The following RGS22 variants were observed in gnomAD, a reference collection of about 807,000 sequenced individuals.
The protein encoded by RGS22 is regulator of G-protein signaling 22.
In RGS22, 148 loss-of-function variants were observed where a neutral mutation model predicts 172.9. That is an observed-to-expected ratio of 0.86 (90% CI 0.75 to 0.98). The LOEUF is 0.98. RGS22 is among the 50% of genes least tolerant of loss of function. The pLI is 0.00. For missense variants in RGS22, 1,347 were observed against 1,440.8 expected (o/e 0.93, Z 1.05); for synonymous variants, 458 against 480.2 (o/e 0.95, Z 0.60).
intron 23 of RGS22, among the ~76,000 whole-genome samples, chr8:99,972,756 G>A (rs573584433): frequency 6.6e-6 from 1 of 152,208 alleles, no homozygotes; most frequent in African/African-American, 2.4e-5. Context: ...GAAATAAGCT[G>A]GGCGTGGTGG....
At chr8:100,036,681 C>G (rs1223975438) in intron 14 of RGS22, among the ~76,000 whole-genome samples, 3 of 152,182 alleles carry the variant, frequency 2.0e-5, no homozygotes, top group African/African-American at 4.8e-5. Context: ...TTACTGCAGC[C>G]TTGAACTCCT....
chr8:100,032,271 A>C (rs1377036346), intron 14 of RGS22, among the ~76,000 whole-genome samples: 10 of 152,212 alleles, frequency 6.6e-5, no homozygotes, highest in Admixed American at 6.5e-4. Flanking sequence ...CAGGAGACCC[A>C]TCTCACGTGC....
At chr8:100,074,739 T>C (rs1377971161) in intron 4 of RGS22, among the ~76,000 whole-genome samples, 1 of 151,508 alleles carries the variant, frequency 6.6e-6, no homozygotes, top group Non-Finnish European at 1.5e-5. Flanking sequence ...ACATGCAGGG[T>C]TTCTTTTTTG....
intron 2 of RGS22, among the ~76,000 whole-genome samples, chr8:100,103,496 G>A (rs1402536148): frequency 6.6e-6 from 1 of 152,230 alleles, no homozygotes; most frequent in Non-Finnish European, 1.5e-5. Context: ...ACAGCATAGT[G>A]TGGAGGGGCC....
chr8:100,005,679 C>A (rs1168160446), intron 16 of RGS22, among the ~76,000 whole-genome samples: 2 of 152,066 alleles, frequency 1.3e-5, no homozygotes, highest in Non-Finnish European at 2.9e-5. Flanking sequence ...TGTAACCTGA[C>A]AACAAATAGA....
Position 100,012,099 on chromosome 8 carries a change from T to TTATATA in RGS22, c.2167-3536_2167-3531dup, listed in dbSNP as rs111749978. On this transcript the variant is annotated intron_variant, in intron 14 of 27. Transcript: ENST00000360863. ...CAATAAATGGTGTTAATAATATATA[T>TTATATA]TATATATATATATGTAAAGACATTA... is the stretch of plus-strand genomic sequence containing the variant. Among the ~76,000 whole-genome samples the TTATATA allele has an allele frequency of 1.4e-4, 21 of 150,492 alleles. No individual in the cohort carries two copies. In the Admixed American group the frequency reaches 1.4e-3, roughly 10 times the overall value.
At chr8:100,001,814 T>C (rs1241047239) in intron 18 of RGS22, among the ~76,000 whole-genome samples, 1 of 152,214 alleles carries the variant, frequency 6.6e-6, no homozygotes, top group Non-Finnish European at 1.5e-5. Context: ...TTTAGCTTAA[T>C]GGTTGATAAC....
In RGS22 at chr8:100,087,007, G is replaced by C. The variant is rs575249409; in HGVS notation, c.117+6440C>G. Among the ~76,000 whole-genome samples the C allele has an allele frequency of 3.3e-5, 5 of 152,204 alleles. No homozygotes were observed. In the East Asian group the frequency reaches 9.7e-4, roughly 29 times the overall value. On this transcript the variant is annotated intron_variant, in intron 3 of 27. Transcript: ENST00000360863. ...GCCAGCCGTCTGTGTTTGATACCCA[G>C]GAGAAAGAGCCCTGGTCTTTCATTA... is the stretch of plus-strand genomic sequence containing the variant.
chr8:99,965,997 A>T (rs73699899), intron 23 of RGS22, among the ~76,000 whole-genome samples: 2 of 152,348 alleles, frequency 1.3e-5, no homozygotes, highest in East Asian at 3.9e-4. Context: ...AAATTAATAA[A>T]TTACATCACC....
chr8:99,975,673 C>A (rs1811852871), intron 23 of RGS22, among the ~76,000 whole-genome samples: 1 of 150,330 alleles, frequency 6.7e-6, no homozygotes. Flanking sequence ...GTATATACAT[C>A]TTTGTGCATG....
intron 14 of RGS22, among the ~76,000 whole-genome samples, chr8:100,020,468 G>T (rs1817498507): frequency 6.6e-6 from 1 of 152,150 alleles, no homozygotes; most frequent in East Asian, 1.9e-4. Flanking sequence ...TAAGTGAGTG[G>T]TTCATAAGCA....
intron 8 of RGS22, 112 bp from the exon 9 acceptor site, chr8:100,062,864 A>G (rs2131786513): frequency 1.2e-6 from 1 of 854,810 alleles, no homozygotes. Flanking sequence ...CTTTCCTAAA[A>G]CAGGGTTCTC....
chr8:100,095,731 T>C (rs1330361169), intron 2 of RGS22, among the ~76,000 whole-genome samples: 2 of 152,204 alleles, frequency 1.3e-5, no homozygotes, highest in South Asian at 2.1e-4. Context: ...CTCTAACCCC[T>C]TGGTGACTTG....
At chr8:100,001,758 A>G (rs1037066381) in intron 18 of RGS22, among the ~76,000 whole-genome samples, 1 of 152,182 alleles carries the variant, frequency 6.6e-6, no homozygotes, top group Non-Finnish European at 1.5e-5. Context: ...GATTGATTAT[A>G]TTTAGAGTAA....
chr8:100,026,211 A>G (rs1003703908), intron 14 of RGS22, among the ~76,000 whole-genome samples: 4 of 152,052 alleles, frequency 2.6e-5, no homozygotes, highest in Non-Finnish European at 5.9e-5. Context: ...GCAGGGCTAC[A>G]ATGCACAACC....
chr8:99,996,860 A>T (rs1814455240), intron 19 of RGS22, among the ~76,000 whole-genome samples: 1 of 152,224 alleles, frequency 6.6e-6, no homozygotes. Flanking sequence ...CTAGCCATAT[A>T]CTTTCACAAC....
intron 9 of RGS22, among the ~76,000 whole-genome samples, chr8:100,055,602 T>C (rs1822158264): frequency 6.6e-6 from 1 of 152,180 alleles, no homozygotes; most frequent in Admixed American, 6.5e-5. Context: ...TCACCTTGAA[T>C]TATAATTCCC....
At chr8:100,037,483 T>C (rs1819629762) in intron 14 of RGS22, among the ~76,000 whole-genome samples, 2 of 152,144 alleles carry the variant, frequency 1.3e-5, no homozygotes, top group Non-Finnish European at 2.9e-5. Context: ...TAGGAGAAGA[T>C]AAAAACCTTA....
At chr8:100,022,416 GA>G (rs1258121923) in intron 14 of RGS22, among the ~76,000 whole-genome samples, 1 of 152,102 alleles carries the variant, frequency 6.6e-6, no homozygotes, top group African/African-American at 2.4e-5. Flanking sequence ...AACGTGTTAA[GA>G]AAAGACGAGA....
Sources: gnomAD v4.1 joint callset for allele counts (sites outside exome capture counted in the v4.1 genomes callset) on GRCh38, gnomAD v4.1.1 for gene constraint, MANE v1.5 for transcripts, NCBI Gene and HGNC (gene_info 2026-07-23, HGNC 2026-07-21) for gene names.